Variants in CNTN5 observed in about 807,000 individuals in gnomAD.
CNTN5 encodes contactin-5.
A neutral mutation model predicts 129.1 loss-of-function variants in CNTN5; 77 were observed. The ratio of observed to expected loss-of-function variants is 0.60; its 90% CI spans 0.50 to 0.72. CNTN5 has a LOEUF of 0.72. Among genes scored for constraint, CNTN5 ranks in the 30% least tolerant of loss-of-function variants. The pLI is 0.00. For missense variants in CNTN5, 1,478 were observed against 1,328.8 expected, an observed-to-expected ratio of 1.11 and a Z score of -1.75; for synonymous variants, 509 against 465.6, an observed-to-expected ratio of 1.09 and a Z score of -1.20.
intron 1 of CNTN5, among the ~76,000 whole-genome samples, chr11:99,191,346 T>C (rs1273228100): frequency 6.6e-6 from 1 of 151,790 alleles, no homozygotes; most frequent in African/African-American, 2.4e-5. Flanking sequence ...GATGACCTGG[T>C]AAAATGAGTT....
chr11:100,070,669 G>A lies in CNTN5; in HGVS notation c.1299+109G>A, dbSNP rs866835393. On this transcript the variant is annotated intron_variant, in intron 11 of 24. Transcript: ENST00000524871. Reference sequence around the variant, plus strand: ...GAAAGCCTTTTCCTGTTTCTGATTCGTATAATAGGACATGTTTGTGTTAAG... The same window carrying A: ...GAAAGCCTTTTCCTGTTTCTGATTCATATAATAGGACATGTTTGTGTTAAG... 7.4e-5 allele frequency: 67 copies of A among 909,504 alleles called. No homozygotes were observed. The Middle Eastern group carries it at 4.2e-3, about 56-fold the overall frequency. The allele number at this position is 909,504 out of a possible 1,614,324, so 56.3% of individuals were successfully genotyped here.
intron 2 of CNTN5, among the ~76,000 whole-genome samples, chr11:99,411,415 G>A (rs142740897): frequency 1.8e-3 from 269 of 152,286 alleles, no homozygotes; most frequent in African/African-American, 6.4e-3. Flanking sequence ...AGCTATTTGG[G>A]AGACTGAGGA....
At chr11:99,665,160 CTA>C (rs2135929139) in intron 3 of CNTN5, among the ~76,000 whole-genome samples, 1 of 152,234 alleles carries the variant, frequency 6.6e-6, no homozygotes, top group African/African-American at 2.4e-5. Context: ...AATCAAGAAA[CTA>C]TGTATTAATT....
chr11:99,772,208 G>A (rs1314288345), intron 3 of CNTN5, among the ~76,000 whole-genome samples: 1 of 151,564 alleles, frequency 6.6e-6, no homozygotes, highest in Non-Finnish European at 1.5e-5. Context: ...GTCATTGAGG[G>A]TACAAAGATA....
chr11:99,876,066 G>C (rs1226599018), intron 6 of CNTN5, among the ~76,000 whole-genome samples: 2 of 152,080 alleles, frequency 1.3e-5, no homozygotes, highest in South Asian at 4.2e-4. Context: ...ATCTCCTGCT[G>C]AAAGGCATCA....
chr11:100,295,742 T>C (rs1177653137), intron 18 of CNTN5, among the ~76,000 whole-genome samples: 1 of 151,268 alleles, frequency 6.6e-6, no homozygotes, highest in Non-Finnish European at 1.5e-5. Context: ...GCCTAGTCTT[T>C]CCACAGAAAC....
At chr11:99,402,250 C>A (rs72987849) in intron 2 of CNTN5, among the ~76,000 whole-genome samples, 1 of 151,956 alleles carries the variant, frequency 6.6e-6, no homozygotes, top group East Asian at 1.9e-4. Flanking sequence ...TCCTTCTATC[C>A]CCAGTTTTTT....
At chr11:100,185,084 C>A (rs1048116710) in intron 13 of CNTN5, among the ~76,000 whole-genome samples, 37 of 152,110 alleles carry the variant, frequency 2.4e-4, no homozygotes, top group Non-Finnish European at 4.0e-4. Flanking sequence ...CTTGAGGCCT[C>A]CCCATTCATG....
intron 3 of CNTN5, among the ~76,000 whole-genome samples, chr11:99,775,055 C>T (rs1040951643): frequency 1.3e-5 from 2 of 151,954 alleles, no homozygotes; most frequent in African/African-American, 4.8e-5. Context: ...GTATTGTGGC[C>T]AATCCTTTAA....
chr11:99,316,903 T>C (rs1207596162), intron 1 of CNTN5, among the ~76,000 whole-genome samples: 2 of 152,150 alleles, frequency 1.3e-5, no homozygotes, highest in African/African-American at 4.8e-5. Flanking sequence ...CTGTTTTTCA[T>C]GGGTGTTACT....
chr11:99,760,627 T>G (rs1427763133), intron 3 of CNTN5, among the ~76,000 whole-genome samples: 1 of 152,184 alleles, frequency 6.6e-6, no homozygotes, highest in Non-Finnish European at 1.5e-5. Flanking sequence ...TTTTTAAAAC[T>G]GCTGCCTAAT....
Position 99,110,615 on chromosome 11 carries a change from C to T in CNTN5, c.-210+89345C>T, listed in dbSNP as rs144499825. On this transcript the variant is annotated intron_variant, in intron 1 of 24. Transcript: ENST00000524871. ...TATTTTTCAGCAGCACATGTTCACA[C>T]GGGAAAATATCCCCTTTGGTTTTTC... Among the ~76,000 whole-genome samples, 345 of 152,148 alleles carry T rather than the reference C, an allele frequency of 2.3e-3. 3 individuals carry two copies. Among genetic ancestry groups the T allele is most frequent in the African/African-American group, 7.7e-3 (318 of 41,556 alleles).
At chr11:99,819,808 C>G in intron 4 of CNTN5, 43 bp downstream of exon 4, 1 of 647,116 alleles carries the variant, frequency 1.5e-6, no homozygotes, top group Non-Finnish European at 1.9e-6. Flanking sequence ...ATAAAGGAGG[C>G]AAAGAAGACT....
chr11:100,047,766 G>C (rs1378057477), intron 9 of CNTN5, among the ~76,000 whole-genome samples: 1 of 152,150 alleles, frequency 6.6e-6, no homozygotes, highest in African/African-American at 2.4e-5. Flanking sequence ...AGTAGATTGA[G>C]TAAGGAAGAT....
At chr11:100,116,404 T>TATC (rs1328931121) in intron 13 of CNTN5, among the ~76,000 whole-genome samples, 9 of 151,922 alleles carry the variant, frequency 5.9e-5, no homozygotes, top group Non-Finnish European at 1.0e-4. Context: ...GAAAATATCC[T>TATC]ATCTAATAAA....
chr11:99,835,247 A>G (rs1022120620), intron 4 of CNTN5, among the ~76,000 whole-genome samples: 1 of 152,210 alleles, frequency 6.6e-6, no homozygotes, highest in African/African-American at 2.4e-5. Flanking sequence ...TCTTCGTAAC[A>G]TGAGGCTTTC....
intron 6 of CNTN5, among the ~76,000 whole-genome samples, chr11:99,877,806 T>C (rs1948672820): frequency 6.6e-6 from 1 of 152,232 alleles, no homozygotes. Flanking sequence ...TCTGTTCATA[T>C]TGCCTATTGA....
intron 1 of CNTN5, among the ~76,000 whole-genome samples, chr11:99,149,954 C>T (rs1490613289): frequency 2.6e-5 from 4 of 151,918 alleles, no homozygotes; most frequent in Non-Finnish European, 5.9e-5. Flanking sequence ...TTGTATATTG[C>T]TATTCACTTA....
At chr11:100,069,098 C>T (rs1943803180) in intron 10 of CNTN5, among the ~76,000 whole-genome samples, 2 of 152,124 alleles carry the variant, frequency 1.3e-5, no homozygotes, top group Non-Finnish European at 2.9e-5. Context: ...TGGTTTCGGA[C>T]ATCTGCTACT....
Sources: allele counts gnomAD v4.1 joint callset (sites outside exome capture counted in the v4.1 genomes callset), GRCh38; gene constraint gnomAD v4.1.1; transcripts MANE v1.5; gene names NCBI Gene and HGNC (gene_info 2026-07-23, HGNC 2026-07-21).